The following FBXO6 variants were observed in gnomAD, a reference collection of about 807,000 sequenced individuals.
FBXO6 encodes F-box only protein 6.
In FBXO6, 13 loss-of-function variants were observed where a neutral mutation model predicts 25.0. The observed-to-expected ratio is 0.52, with a 90% confidence interval of 0.34 to 0.83. The LOEUF is 0.83. Ranked by LOEUF, FBXO6 falls within the 40% of genes least tolerant of loss-of-function variation. FBXO6 has a pLI of 0.02. For missense variants in FBXO6, 370 were observed against 380.2 expected, an observed-to-expected ratio of 0.97 and a Z score of 0.22; for synonymous variants, 138 against 155.3, an observed-to-expected ratio of 0.89 and a Z score of 0.83.
In FBXO6 at chr1:11,674,049, A is replaced by G. The variant is rs973240654; in HGVS notation, c.*198A>G. The G allele has an allele frequency of 1.8e-6, 1 of 569,312 alleles. No homozygotes were observed. Among genetic ancestry groups the G allele is most frequent in the African/African-American group, 1.9e-5 (1 of 53,288 alleles). The allele number at this position is 569,312 out of a possible 1,614,324, so 35.3% of individuals were successfully genotyped here. A position where few individuals can be genotyped will look rare whatever the true frequency, so the allele number is the denominator to read the frequency against. On this transcript the variant is annotated 3_prime_UTR_variant, in exon 6 of 6. Transcript: ENST00000376753. The surrounding 1 kb of genome is among the most constrained non-coding windows in gnomAD (Gnocchi z 6.1). ...GCCGGGCACTGTGGCTCACGCCTGTAATCCCAGCACTTTGGGAGACCGAGG... is the reference window on the plus strand; with the variant it reads ...GCCGGGCACTGTGGCTCACGCCTGTGATCCCAGCACTTTGGGAGACCGAGG...
chr1:11,670,647 GGGT>G (rs924082654), intron 2 of FBXO6, among the ~76,000 whole-genome samples: 1 of 151,278 alleles, frequency 6.6e-6, no homozygotes, highest in African/African-American at 2.4e-5. Flanking sequence ...AAGGGGGGGG[GGGT>G]GTCGCTATGT....
rs749814822 is a variant in FBXO6, at chr1:11,668,854, A to G, written c.196A>G (p.Lys66Glu). 2.8e-5 allele frequency: 45 copies of G among 1,613,990 alleles called. No individual in the cohort carries two copies. The highest frequency in any genetic ancestry group is 5.3e-5 in the African/African-American group (4 of 74,914). ...GTGCCTGCGAGAGGGCTTCATCACC[A>G]AGGACTGGGACCAGCCCGTGGCCGA... ...RKCLREGFIT[K>E]DWDQPVADWK... is the part of the protein sequence containing the mutation. Residue 66 changes from lysine (K) to glutamate (E), a missense_variant, in exon 2 of 6, where the codon AAG (lysine) becomes GAG (glutamate). Coordinates refer to ENST00000376753, the MANE Select transcript of FBXO6 (RefSeq NM_018438.6).
Position 11,670,169 on chromosome 1 carries a change from C to T in FBXO6, c.287-1097C>T, listed in dbSNP as rs191863106. ...CGGAGCTTGCAGTGAGCCAAGATTGCGCCACTGCACTCCAGCCTGGGCAAC... is the reference window on the plus strand; with the variant it reads ...CGGAGCTTGCAGTGAGCCAAGATTGTGCCACTGCACTCCAGCCTGGGCAAC... On this transcript the variant is annotated intron_variant, in intron 2 of 5. Coordinates refer to ENST00000376753, the MANE Select transcript of FBXO6 (RefSeq NM_018438.6). Among the ~76,000 whole-genome samples, 765 of 150,166 alleles carry T rather than the reference C, an allele frequency of 5.1e-3. 7 individuals carry two copies. The highest frequency in any genetic ancestry group is 0.016 in the African/African-American group (658 of 40,762).
intron 1 of FBXO6, among the ~76,000 whole-genome samples, chr1:11,667,667 T>C (rs1179309407): frequency 6.6e-6 from 1 of 151,984 alleles, no homozygotes; most frequent in Non-Finnish European, 1.5e-5. Flanking sequence ...CCGGGTGCCG[T>C]GGGGGATTCC....
Position 11,674,120 on chromosome 1 carries a change from C to T in FBXO6, c.*269C>T, listed in dbSNP as rs879585824. On this transcript the variant is annotated 3_prime_UTR_variant, in exon 6 of 6. Transcript: ENST00000376753. This position sits in a 1 kb window ranked among gnomAD's most constrained non-coding sequence, Gnocchi z 6.1. ...GAGATAGAGACCATCCTGGCCAACA[C>T]GGTGAAACCCTGTCTCTACTAAAAA... 1.6e-4 allele frequency: 61 copies of T among 389,200 alleles called. No homozygotes were observed. The highest frequency in any genetic ancestry group is 7.2e-4 in the African/African-American group (35 of 48,848). 24.1% of individuals were successfully genotyped at this position (389,200 alleles called of 1,614,324 possible). A position where few individuals can be genotyped will look rare whatever the true frequency, so the allele number is the denominator to read the frequency against.
intron 2 of FBXO6, among the ~76,000 whole-genome samples, chr1:11,669,697 CAT>C (rs1557673053): frequency 2.8e-5 from 4 of 140,864 alleles, no homozygotes; most frequent in African/African-American, 8.3e-5. Context: ...CGTATATATA[CAT>C]ATGTATACAT....
rs748957192 is a variant in FBXO6 at position 11,668,611 on chromosome 1, G to A, written c.-3-45G>A. On this transcript the variant is annotated intron_variant, in intron 1 of 5. Transcript: ENST00000376753. ...TGGCCTGGTTCCCTGGGGACCTGAG[G>A]GCCCACCTCCCTGGTCAGGCTCATA... 8.8e-6 allele frequency: 14 copies of A among 1,589,346 alleles called. No individual in the cohort carries two copies. The African/African-American group carries it at 1.3e-4, about 15-fold the overall frequency.
chr1:11,673,220 C>T lies in FBXO6; in HGVS notation c.510-57C>T. 3 of 1,556,148 alleles carry T rather than the reference C, an allele frequency of 1.9e-6. No individual in the cohort carries two copies. Among genetic ancestry groups the T allele is most frequent in the Admixed American group, 3.8e-5 (2 of 53,116 alleles). On this transcript the variant is annotated intron_variant, in intron 4 of 5. Transcript: ENST00000376753. This position sits in a 1 kb window ranked among gnomAD's most constrained non-coding sequence, Gnocchi z 4.3. Reference sequence around the variant, plus strand: ...CCAATGTATAGGTCCCACCTGCCCCCACCCCTGGGGCCAGCCCTCGGTGGC... The same window carrying T: ...CCAATGTATAGGTCCCACCTGCCCCTACCCCTGGGGCCAGCCCTCGGTGGC...
Position 11,671,300 on chromosome 1 carries a change from T to C in FBXO6, c.321T>C (p.Gly107=), listed in dbSNP as rs139026887. The change falls in exon 3 of 6, where the codon GGT becomes GGC. Residue 107 remains glycine, a synonymous_variant. Coordinates refer to ENST00000376753, the MANE Select transcript of FBXO6 (RefSeq NM_018438.6). ...DMFAWQIDFN[G]GDRWKVESLP... ...TTGCATGGCAAATTGATTTCAATGG[T>C]GGGGACCGCTGGAAGGTGGAGAGCC... 2.3e-4 allele frequency: 364 copies of C among 1,614,104 alleles called. No individual in the cohort carries two copies. The highest frequency in any genetic ancestry group is 3.0e-4 in the Non-Finnish European group (353 of 1,179,982).
Position 11,673,056 on chromosome 1 carries a change from C to A in FBXO6, c.510-221C>A, listed in dbSNP as rs1320744609. On this transcript the variant is annotated intron_variant, in intron 4 of 5. Transcript: ENST00000376753. This position sits in a 1 kb window ranked among gnomAD's most constrained non-coding sequence, Gnocchi z 4.3. ...TTTAGTAGGATGCCCAAAAGGGTCC[C>A]TCTTCTCAGATGGGGTAACAGAGGC... Among the ~76,000 whole-genome samples the A allele has an allele frequency of 6.6e-6, 1 of 152,216 alleles. No individual in the cohort carries two copies. The highest frequency in any genetic ancestry group is 1.5e-5 in the Non-Finnish European group (1 of 68,044).
intron 1 of FBXO6, among the ~76,000 whole-genome samples, chr1:11,667,956 G>A (rs149083941): frequency 0.011 from 1,615 of 152,226 alleles, 32 homozygotes; most frequent in African/African-American, 0.036. Context: ...GCTGGGTATG[G>A]TGGCATGCGC....
In FBXO6 at chr1:11,668,799, C is replaced by G; in HGVS notation, c.141C>G (p.Leu47=). Residue 47 remains leucine (L), a synonymous_variant, in exon 2 of 6, where the codon CTC becomes CTG. Transcript: ENST00000376753. ...TGGTCTGCAGCCTCTGGCGGGACCT[C>G]ATCGACCTCATGACCCTCTGGAAAC... ...CRLVCSLWRD[L]IDLMTLWKRK... is the part of the protein sequence containing the mutation. 6.2e-7 allele frequency: 1 copy of G among 1,614,148 alleles called. No individual in the cohort carries two copies. Among genetic ancestry groups the G allele is most frequent in the Non-Finnish European group, 8.5e-7 (1 of 1,180,032 alleles).
At chr1:11,670,443 T>C (rs1200732286) in intron 2 of FBXO6, among the ~76,000 whole-genome samples, 2 of 151,908 alleles carry the variant, frequency 1.3e-5, no homozygotes, top group African/African-American at 4.8e-5. Flanking sequence ...CTGAGCCCTA[T>C]GGGAATCTTG....
intron 1 of FBXO6, among the ~76,000 whole-genome samples, chr1:11,665,042 C>CATTTATTTATTT (rs1553166525): frequency 2.0e-5 from 3 of 150,576 alleles, no homozygotes; most frequent in African/African-American, 7.3e-5. Flanking sequence ...AAGCTGCCAG[C>CATTTATTTATTT]ATTTATTTAT....
chr1:11,664,408 C>A (rs1221682919), intron 1 of FBXO6, 153 bp downstream of exon 1: 1 of 151,480 alleles, frequency 6.6e-6, no homozygotes, highest in Non-Finnish European at 1.5e-5. Flanking sequence ...ACCTGGAGCT[C>A]CGCCGCTGCG....
intron 2 of FBXO6, among the ~76,000 whole-genome samples, chr1:11,669,575 G>A (rs1362265737): frequency 6.8e-6 from 1 of 146,578 alleles, no homozygotes; most frequent in Non-Finnish European, 1.5e-5. Flanking sequence ...AGCATCCACA[G>A]TGACACCTTC....
chr1:11,665,554 C>CTTTTTTCTTTTTT (rs1640405014), intron 1 of FBXO6, among the ~76,000 whole-genome samples: 1 of 37,848 alleles, frequency 2.6e-5, no homozygotes, highest in Non-Finnish European at 4.0e-5. Flanking sequence ...CGCGCCCGGC[C>CTTTTTTCTTTTTT]TTTTTTTTTT....
In FBXO6 at chr1:11,672,037, A is replaced by G. The variant is rs370179095; in HGVS notation, c.509+14A>G. The G allele has an allele frequency of 3.9e-5, 63 of 1,607,430 alleles. 3 individuals are homozygous for G. The highest frequency in any genetic ancestry group is 1.2e-4 in the African/African-American group (9 of 74,930). ...GGTTAAGGACTGGTGAGTAGGGTCC[A>G]TGGCCTGTGTCCCCACACTCTACAT... On this transcript the variant is annotated intron_variant, in intron 4 of 5. Coordinates refer to ENST00000376753, the MANE Select transcript of FBXO6 (RefSeq NM_018438.6).
intron 1 of FBXO6, chr1:11,664,526 T>TC (rs763132234): frequency 2.2e-5 from 3 of 135,554 alleles, no homozygotes; most frequent in African/African-American, 5.3e-5. Context: ...CGGCCAGGGG[T>TC]GGGGGGCGCG....
Sources: allele counts gnomAD v4.1 joint callset (sites outside exome capture counted in the v4.1 genomes callset), GRCh38; gene constraint gnomAD v4.1.1; non-coding constraint Gnocchi (gnomAD v3.1); transcripts MANE v1.5; gene names NCBI Gene and HGNC (gene_info 2026-07-23, HGNC 2026-07-21).